VWF: variants seen among roughly 807,000 people sequenced by gnomAD.
The protein encoded by VWF is Factor VIII related antigen.
A neutral mutation model predicts 308.6 loss-of-function variants in VWF; 176 were observed. The observed-to-expected ratio is 0.57, with a 90% CI of 0.50 to 0.65. The LOEUF (loss-of-function observed/expected upper bound fraction) is 0.65, where lower values mean the gene tolerates loss of function less well. Ranked by LOEUF, VWF falls within the 30% of genes least tolerant of loss-of-function variation. The pLI is 0.00. For synonymous variants in VWF, 1,385 were observed against 1,443.4 expected, an observed-to-expected ratio of 0.96 and a Z score of 0.92; for missense variants, 3,146 against 3,648.2, an observed-to-expected ratio of 0.86 and a Z score of 3.55.
rs1565830667 is a variant in VWF, at chr12:6,016,739, G to A, written c.5170+15C>T. 1 of 1,614,232 alleles carries A rather than the reference G, an allele frequency of 6.2e-7. No homozygotes were observed. The highest frequency in any genetic ancestry group is 8.5e-7 in the Non-Finnish European group (1 of 1,180,038). On this transcript the variant is annotated intron_variant, in intron 29 of 51. Coordinates refer to ENST00000261405, the MANE Select transcript of VWF (RefSeq NM_000552.5). Reference sequence around the variant, plus strand: ...CTCTTCGTCACCTGCTGCTTCAGGTGCCTCGCTCACCCACCTATATTGGCT... The same window carrying A: ...CTCTTCGTCACCTGCTGCTTCAGGTACCTCGCTCACCCACCTATATTGGCT...
chr12:6,111,026 T>C (rs1171486805), intron 3 of VWF, 58 bp from the exon 4 acceptor site: 37 of 1,454,044 alleles, frequency 2.5e-5, no homozygotes, highest in Non-Finnish European at 3.4e-5. Context: ...AATGAATACA[T>C]TGATTAAGAA....
chr12:6,008,653 C>T (rs890802259), intron 34 of VWF, among the ~76,000 whole-genome samples: 8 of 152,204 alleles, frequency 5.3e-5, no homozygotes, highest in East Asian at 1.9e-4. Flanking sequence ...CAACATAGTA[C>T]GAGAAGTCTT....
At chr12:6,113,414 C>T (rs1945332407) in intron 3 of VWF, among the ~76,000 whole-genome samples, 1 of 151,690 alleles carries the variant, frequency 6.6e-6, no homozygotes, top group Non-Finnish European at 1.5e-5. Flanking sequence ...TCTCCTGCCT[C>T]AGCCTCCCGA....
At chr12:5,953,403 C>T in intron 48 of VWF, 93 bp downstream of exon 48, 1 of 986,696 alleles carries the variant, frequency 1.0e-6, no homozygotes. Flanking sequence ...CAATACTGAA[C>T]CAAACTTAGC....
In VWF at chr12:6,095,469, T is replaced by C. The variant is rs1392670786; in HGVS notation, c.648A>G (p.Glu216=). 1 of 1,613,970 alleles carries C rather than the reference T, an allele frequency of 6.2e-7. No individual in the cohort carries two copies. Among genetic ancestry groups the C allele is most frequent in the African/African-American group, 1.3e-5 (1 of 74,916 alleles). Residue 216 remains glutamate (E), a synonymous_variant, in exon 6 of 52, where the codon GAA becomes GAG. Transcript: ENST00000261405. ...GCCAGTCCACACCCACCTTCTGCAT[T>C]TCCCCAGAGGAGATGTTGCATGAGC... ...PSSSCNISSG[E]MQKGLWEQCQ...
chr12:6,032,670 G>A (rs1023248869), intron 20 of VWF, among the ~76,000 whole-genome samples: 6 of 151,918 alleles, frequency 3.9e-5, no homozygotes, highest in Non-Finnish European at 5.9e-5. Context: ...AACAAGGTGT[G>A]AATCTTGATT....
chr12:6,103,145 G>A (rs762666753), intron 5 of VWF, among the ~76,000 whole-genome samples: 5 of 151,928 alleles, frequency 3.3e-5, no homozygotes, highest in East Asian at 1.9e-4. Context: ...TGGCTAACAC[G>A]GTGAAACCCC....
chr12:6,074,889 A>G (rs1159581473), intron 7 of VWF, among the ~76,000 whole-genome samples: 1 of 152,190 alleles, frequency 6.6e-6, no homozygotes, highest in Admixed American at 6.5e-5. Context: ...AGATTTAATA[A>G]AAGAGAAGAA....
At chr12:6,101,558 C>T (rs1445621201) in intron 5 of VWF, among the ~76,000 whole-genome samples, 7 of 150,968 alleles carry the variant, frequency 4.6e-5, no homozygotes, top group South Asian at 2.1e-4. Context: ...GGGCAGATCA[C>T]GACGTCAGGA....
At chr12:6,040,021 T>C (rs974519109) in intron 18 of VWF, among the ~76,000 whole-genome samples, 5 of 152,146 alleles carry the variant, frequency 3.3e-5, no homozygotes, top group Admixed American at 1.3e-4. Context: ...TATACAACTA[T>C]GAAGGCTTGA....
Position 6,046,851 on chromosome 12 carries a change from A to T in VWF, c.2187-34T>A. 12 of 1,599,640 alleles carry T rather than the reference A, an allele frequency of 7.5e-6. No individual in the cohort carries two copies. The highest frequency in any genetic ancestry group is 1.0e-5 in the Non-Finnish European group (12 of 1,168,988). On this transcript the variant is annotated intron_variant, in intron 16 of 51. Coordinates refer to ENST00000261405, the MANE Select transcript of VWF (RefSeq NM_000552.5). The surrounding 1 kb of genome is among the most constrained non-coding windows in gnomAD (Gnocchi z 5.0). ...AAGAAAATCATAGCCGAGCTTCACG[A>T]GACTCGTCTATACTCGCTGCCTCCA...
rs61750608 is a variant in VWF, at chr12:6,016,091, T to C, written c.5453A>G (p.Asn1818Ser). 2.3e-5 allele frequency: 37 copies of C among 1,613,996 alleles called. No individual in the cohort carries two copies. Among genetic ancestry groups the C allele is most frequent in the South Asian group, 8.8e-5 (8 of 91,078 alleles). Residue 1818 changes from asparagine to serine, a missense_variant and splice_region_variant, in exon 31 of 52, where the codon AAC (asparagine) becomes AGC (serine). Coordinates refer to ENST00000261405, the MANE Select transcript of VWF (RefSeq NM_000552.5). Reference sequence around the variant, plus strand: ...AGGACTGTACACCAGATTCTTACTGTTGGACCTGGCGGCATCAGCTGCTGC... The same window carrying C: ...AGGACTGTACACCAGATTCTTACTGCTGGACCTGGCGGCATCAGCTGCTGC... ...VDAAADAARS[N>S]RVTVFPIGIG...
chr12:5,949,208 A>T lies in VWF; in HGVS notation c.8254-5T>A. The T allele has an allele frequency of 6.2e-7, 1 of 1,613,574 alleles. No homozygotes were observed. The highest frequency in any genetic ancestry group is 2.2e-5 in the East Asian group (1 of 44,882). On this transcript the variant is annotated splice_polypyrimidine_tract_variant and splice_region_variant and intron_variant, in intron 51 of 51. Coordinates refer to ENST00000261405, the MANE Select transcript of VWF (RefSeq NM_000552.5). ...GGCTTTGCTGGCACATTTGCCCTGCAAGAAAGCAGAGGAAGATGGGAGCTT... is the reference window on the plus strand; with the variant it reads ...GGCTTTGCTGGCACATTTGCCCTGCTAGAAAGCAGAGGAAGATGGGAGCTT...
Position 6,123,207 on chromosome 12 carries a change from G to T in VWF, c.1-11C>A. ...TCTGGCAGGAATCATCTGCAAAGAAGCAAGAGACGTGAGCTGGTCATTGCT... is the reference window on the plus strand; with the variant it reads ...TCTGGCAGGAATCATCTGCAAAGAATCAAGAGACGTGAGCTGGTCATTGCT... On this transcript the variant is annotated splice_polypyrimidine_tract_variant and intron_variant, in intron 1 of 51. Coordinates refer to ENST00000261405, the MANE Select transcript of VWF (RefSeq NM_000552.5). The T allele has an allele frequency of 1.9e-6, 3 of 1,614,220 alleles. No individual in the cohort carries two copies. Among genetic ancestry groups the T allele is most frequent in the Non-Finnish European group, 2.5e-6 (3 of 1,180,040 alleles).
At chr12:5,983,075 T>A in intron 41 of VWF, 75 bp downstream of exon 41, 1 of 1,413,264 alleles carries the variant, frequency 7.1e-7, no homozygotes, top group Non-Finnish European at 9.8e-7. Context: ...TTGGAAGAGG[T>A]CCCTGAGGAG....
intron 18 of VWF, among the ~76,000 whole-genome samples, chr12:6,038,543 A>C (rs917906680): frequency 3.7e-5 from 1 of 26,942 alleles, no homozygotes; most frequent in Non-Finnish European, 8.2e-5. Context: ...CCTGTCACCC[A>C]GGTGTGGGTC....
Position 5,974,491 on chromosome 12 carries a change from C to A in VWF, c.7437+1620G>T, listed in dbSNP as rs562379986. On this transcript the variant is annotated intron_variant, in intron 43 of 51. Coordinates refer to ENST00000261405, the MANE Select transcript of VWF (RefSeq NM_000552.5). The stretch of plus-strand genomic sequence containing the variant: ...GGATTATACCCCAGGACCTGCAGCT[C>A]CCCCAATAGTTGACTGGACCAGAGC... Among the ~76,000 whole-genome samples, 8 of 152,294 alleles carry A rather than the reference C, an allele frequency of 5.3e-5. No individual in the cohort carries two copies. The East Asian group carries it at 1.5e-3, about 29-fold the overall frequency.
chr12:6,079,139 G>A (rs931244739), intron 6 of VWF, among the ~76,000 whole-genome samples: 3 of 152,178 alleles, frequency 2.0e-5, no homozygotes, highest in Admixed American at 6.5e-5. Context: ...GCCTGAACTT[G>A]GTCCACCTGA....
intron 47 of VWF, among the ~76,000 whole-genome samples, chr12:5,957,796 A>T (rs1267385594): frequency 6.6e-6 from 1 of 152,210 alleles, no homozygotes; most frequent in Non-Finnish European, 1.5e-5. Context: ...CAGATATATA[A>T]GAAGGAAGAG....
Sources: gnomAD v4.1 joint callset for allele counts (sites outside exome capture counted in the v4.1 genomes callset) on GRCh38, gnomAD v4.1.1 for gene constraint, Gnocchi (gnomAD v3.1) non-coding constraint, MANE v1.5 for transcripts, NCBI Gene and HGNC (gene_info 2026-07-23, HGNC 2026-07-21) for gene names.